RNF213: variants seen among roughly 807,000 people sequenced by gnomAD.
The protein encoded by RNF213 is ring finger protein 213, also known as E3 ubiquitin-protein ligase RNF213.
A neutral mutation model predicts 514.4 loss-of-function variants in RNF213; 341 were observed. That is an observed-to-expected ratio of 0.66 (90% CI 0.61 to 0.73). RNF213 has a LOEUF of 0.73. Among genes scored for constraint, RNF213 ranks in the 30% least tolerant of loss-of-function variants. RNF213 has a pLI of 0.00. For missense variants in RNF213, 5,767 were observed against 6,615.6 expected, an observed-to-expected ratio of 0.87 and a Z score of 4.45; for synonymous variants, 2,655 against 2,658.2, an observed-to-expected ratio of 1.00 and a Z score of 0.04.
Position 80,377,833 on chromosome 17 carries a change from G to C in RNF213, c.13545+37G>C. 1 of 1,611,964 alleles carries C rather than the reference G, an allele frequency of 6.2e-7. No homozygotes were observed. Reference sequence around the variant, plus strand: ...TATTTAAGATAGGGTTTGAGGGGTGGCGTGCACTCCTGGGTTGGAGGAGGG... The same window carrying C: ...TATTTAAGATAGGGTTTGAGGGGTGCCGTGCACTCCTGGGTTGGAGGAGGG... On this transcript the variant is annotated intron_variant, in intron 54 of 67. Coordinates refer to ENST00000582970, the MANE Select transcript of RNF213 (RefSeq NM_001256071.3). The surrounding 1 kb of genome is among the most constrained non-coding windows in gnomAD (Gnocchi z 4.1).
At chr17:80,296,856 A>G (rs924504990) in intron 10 of RNF213, among the ~76,000 whole-genome samples, 11 of 151,670 alleles carry the variant, frequency 7.3e-5, no homozygotes, top group African/African-American at 2.2e-4. Context: ...TAATTTTTGT[A>G]TTTATTGTAG....
chr17:80,268,655 C>T (rs979355632), intron 2 of RNF213, among the ~76,000 whole-genome samples: 18 of 151,738 alleles, frequency 1.2e-4, no homozygotes, highest in Non-Finnish European at 1.8e-4. Flanking sequence ...GTCTATCTAT[C>T]TGTCATCTGT....
At chr17:80,355,367 T>TAGGGGCTTACAG (rs1555670999) in intron 36 of RNF213, 48 of 330,212 alleles carry the variant, frequency 1.5e-4, no homozygotes, top group African/African-American at 1.2e-3. Context: ...TGAACGGGAA[T>TAGGGGCTTACAG]GGGAGCTTAC....
At chr17:80,366,580 T>A (rs1453266126) in intron 42 of RNF213, among the ~76,000 whole-genome samples, 2 of 152,208 alleles carry the variant, frequency 1.3e-5, no homozygotes, top group African/African-American at 4.8e-5. Flanking sequence ...TGAATTGGGT[T>A]GTTGATTAAC....
At chr17:80,318,941 T>C (rs1280830616) in intron 16 of RNF213, among the ~76,000 whole-genome samples, 1 of 152,214 alleles carries the variant, frequency 6.6e-6, no homozygotes, top group Non-Finnish European at 1.5e-5. Flanking sequence ...CTATGTCTCA[T>C]AACTTACCTG....
intron 63 of RNF213, among the ~76,000 whole-genome samples, chr17:80,387,316 G>A (rs981131345): frequency 3.9e-5 from 6 of 152,168 alleles, no homozygotes; most frequent in South Asian, 4.1e-4. Flanking sequence ...CACGTTGCCC[G>A]GCTGGTCTCG....
chr17:80,362,172 G>C (rs2079080505), intron 39 of RNF213, among the ~76,000 whole-genome samples: 2 of 152,158 alleles, frequency 1.3e-5, no homozygotes. Context: ...TTTAAATGTT[G>C]AGTTTCTCTT....
At chr17:80,293,234 T>C (rs1183807414) in intron 8 of RNF213, among the ~76,000 whole-genome samples, 1 of 151,766 alleles carries the variant, frequency 6.6e-6, no homozygotes, top group Admixed American at 6.6e-5. Flanking sequence ...ATTTTTCATA[T>C]ATTTTTTTTG....
chr17:80,293,462 G>A (rs770366514), intron 8 of RNF213, among the ~76,000 whole-genome samples: 1 of 152,068 alleles, frequency 6.6e-6, no homozygotes, highest in South Asian at 2.1e-4. Flanking sequence ...TTTAAATATG[G>A]AATTCTATAT....
At chr17:80,362,077 C>T (rs1599132238) in intron 39 of RNF213, among the ~76,000 whole-genome samples, 189 bp downstream of exon 39, 2 of 152,104 alleles carry the variant, frequency 1.3e-5, no homozygotes, top group East Asian at 1.9e-4. Flanking sequence ...AGTGCTACAC[C>T]CTCAGTCCAC....
intron 28 of RNF213, 34 bp downstream of exon 28, chr17:80,344,049 G>A: frequency 1.2e-6 from 2 of 1,603,324 alleles, no homozygotes; most frequent in Admixed American, 1.7e-5. Context: ...CCTGGCGTGG[G>A]GGGCTCTTGG....
At chr17:80,291,341 A>G (rs1225130107) in intron 7 of RNF213, among the ~76,000 whole-genome samples, 1 of 150,442 alleles carries the variant, frequency 6.6e-6, no homozygotes, top group African/African-American at 2.5e-5. Flanking sequence ...TGCAGCCTCA[A>G]TCTCCTGGGC....
chr17:80,313,110 T>C lies in RNF213; in HGVS notation c.2754T>C (p.Phe918=). Residue 918 remains phenylalanine (F), a synonymous_variant, in exon 15 of 68, where the codon TTT becomes TTC. Transcript: ENST00000582970. ...CGAAAAGGTGGCTCCGAGAAGTTTTTACAAAGAACATGCTCACATCTTCAG... is the reference window on the plus strand; with the variant it reads ...CGAAAAGGTGGCTCCGAGAAGTTTTCACAAAGAACATGCTCACATCTTCAG... ...AATKRWLREV[F]TKNMLTSSGA... 6.2e-7 allele frequency: 1 copy of C among 1,614,168 alleles called. No individual in the cohort carries two copies. Among genetic ancestry groups the C allele is most frequent in the Non-Finnish European group, 8.5e-7 (1 of 1,180,042 alleles).
intron 7 of RNF213, 45 bp from the exon 8 acceptor site, chr17:80,291,582 CG>C: frequency 1.3e-6 from 2 of 1,584,298 alleles, no homozygotes; most frequent in Non-Finnish European, 1.7e-6. Flanking sequence ...CTAAAATTTC[CG>C]GGGTAGGAAT....
chr17:80,280,694 A>G lies in RNF213; in HGVS notation c.262-7121A>G, dbSNP rs562625657. Among the ~76,000 whole-genome samples the G allele has an allele frequency of 9.2e-5, 14 of 152,162 alleles. No individual in the cohort carries two copies. The South Asian group carries it at 1.7e-3, about 18-fold the overall frequency. On this transcript the variant is annotated intron_variant, in intron 3 of 67. Transcript: ENST00000582970. ...GGTCTCAAACTCCTGGGCTCAAGCA[A>G]TTCTCCCGCCCCAGCCTCCCAAAGT...
rs1239483257 is a variant in RNF213, at chr17:80,295,598, AC to A, written c.1799del (p.Pro600HisfsTer17). On this transcript the variant is annotated frameshift_variant, in exon 10 of 68. Coordinates refer to ENST00000582970, the MANE Select transcript of RNF213 (RefSeq NM_001256071.3). LOFTEE classifies it high-confidence loss of function. Reference sequence around the variant, plus strand: ...GGCAACATCTGAAAAAACACGTGGTACCATTGCCGGACGGAAAAAGCACGGA... The same window carrying A: ...GGCAACATCTGAAAAAACACGTGGTACATTGCCGGACGGAAAAAGCACGGA... The part of the protein sequence containing the change: ...LWQHLKKHVV[P>X]LPDGKSTDFL... The A allele has an allele frequency of 1.2e-6, 2 of 1,614,042 alleles. No individual in the cohort carries two copies. The highest frequency in any genetic ancestry group is 1.7e-6 in the Non-Finnish European group (2 of 1,180,028).
chr17:80,307,529 A>C (rs2045410812), intron 13 of RNF213, among the ~76,000 whole-genome samples: 1 of 134,476 alleles, frequency 7.4e-6, no homozygotes, highest in African/African-American at 3.2e-5. Context: ...CGCCCAGCTA[A>C]TTTTTGTGTG....
intron 11 of RNF213, 23 bp downstream of exon 11, chr17:80,298,541 T>G: frequency 6.2e-7 from 1 of 1,613,764 alleles, no homozygotes; most frequent in Non-Finnish European, 8.5e-7. Context: ...GTTGTGCTTA[T>G]CTACATGAAT....
At position 80,353,244 on chromosome 17, in the gene RNF213, G is replaced by A. The variant is rs553853695; in HGVS notation, c.10423+185G>A. The A allele has an allele frequency of 5.2e-5, 45 of 861,068 alleles. No homozygotes were observed. Among genetic ancestry groups the A allele is most frequent in the South Asian group, 3.3e-4 (21 of 63,430 alleles). The allele number at this position is 861,068 out of a possible 1,614,324, so 53.3% of individuals were successfully genotyped here. On this transcript the variant is annotated intron_variant, in intron 33 of 67. Transcript: ENST00000582970. The surrounding 1 kb of genome is among the most constrained non-coding windows in gnomAD (Gnocchi z 5.0). ...TAGAGCACCAGGGCCGAGCAGGTGCGCTTACCACAGGCTGAGGTAGAGCTC... is the reference window on the plus strand; with the variant it reads ...TAGAGCACCAGGGCCGAGCAGGTGCACTTACCACAGGCTGAGGTAGAGCTC...
Sources: allele counts gnomAD v4.1 joint callset (sites outside exome capture counted in the v4.1 genomes callset), GRCh38; gene constraint gnomAD v4.1.1; non-coding constraint Gnocchi (gnomAD v3.1); transcripts MANE v1.5; gene names NCBI Gene and HGNC (gene_info 2026-07-23, HGNC 2026-07-21).